The following CPA4 variants were observed in gnomAD, a reference collection of about 807,000 sequenced individuals.
The protein encoded by CPA4 is carboxypeptidase A4, also known as carboxypeptidase A3.
In CPA4, 49 loss-of-function variants were observed where a neutral mutation model predicts 54.7. The ratio of observed to expected loss-of-function variants is 0.90; its 90% confidence interval spans 0.71 to 1.14. The LOEUF (loss-of-function observed/expected upper bound fraction) is 1.14. Among genes scored for constraint, CPA4 ranks in the 50% most tolerant of loss-of-function variants. CPA4 has a pLI of 0.00. For missense variants in CPA4, 487 were observed against 525.1 expected (o/e 0.93, Z 0.71); for synonymous variants, 215 against 206.8 (o/e 1.04, Z -0.34).
chr7:130,304,703 A>G (rs765574115), intron 5 of CPA4, 124 bp downstream of exon 5: 2 of 695,162 alleles, frequency 2.9e-6, no homozygotes, highest in Non-Finnish European at 2.6e-6. Flanking sequence ...GTCAGGACAC[A>G]TTGTACCTGG....
chr7:130,314,440 C>T (rs1019796402), intron 10 of CPA4, among the ~76,000 whole-genome samples: 3 of 152,158 alleles, frequency 2.0e-5, no homozygotes, highest in African/African-American at 7.2e-5. Flanking sequence ...AAAGGAAGCT[C>T]CTTTCTGGAA....
At chr7:130,296,199 C>T (rs1297820014) in intron 1 of CPA4, among the ~76,000 whole-genome samples, 2 of 152,040 alleles carry the variant, frequency 1.3e-5, no homozygotes, top group Non-Finnish European at 1.5e-5. Flanking sequence ...CAAAAGTACG[C>T]GGTGAGTTTG....
At position 130,323,552 on chromosome 7, in the gene CPA4, A is replaced by G. The variant is rs1794159460; in HGVS notation, c.*876A>G. Reference sequence around the variant, plus strand: ...CCTTTTTTAGGCCTGAATACAAAGTAGAAGATCACTTTCCTTCACTGTGCT... The same window carrying G: ...CCTTTTTTAGGCCTGAATACAAAGTGGAAGATCACTTTCCTTCACTGTGCT... On this transcript the variant is annotated 3_prime_UTR_variant, in exon 11 of 11. Transcript: ENST00000222482. The G allele has an allele frequency of 6.6e-6, 1 of 152,182 alleles. No individual in the cohort carries two copies. The highest frequency in any genetic ancestry group is 6.6e-5 in the Admixed American group (1 of 15,264). 9.4% of individuals were successfully genotyped at this position (152,182 alleles called of 1,614,324 possible).
chr7:130,309,530 G>A (rs1019798066), intron 8 of CPA4, among the ~76,000 whole-genome samples: 10 of 152,146 alleles, frequency 6.6e-5, no homozygotes, highest in South Asian at 2.1e-4. Context: ...GAGTGCCAGC[G>A]ATTTAAAAAC....
intron 10 of CPA4, among the ~76,000 whole-genome samples, chr7:130,317,929 A>C (rs3800773): frequency 6.6e-6 from 1 of 151,828 alleles, no homozygotes; most frequent in Non-Finnish European, 1.5e-5. Flanking sequence ...CTCTTTTAGG[A>C]AGATTCTCCA....
chr7:130,301,129 C>A (rs1793733372), intron 4 of CPA4, among the ~76,000 whole-genome samples: 1 of 152,194 alleles, frequency 6.6e-6, no homozygotes, highest in Non-Finnish European at 1.5e-5. Flanking sequence ...TTTCCTCCCT[C>A]AACCATCCTT....
chr7:130,321,519 G>A (rs71579242), intron 10 of CPA4, among the ~76,000 whole-genome samples: 16,554 of 152,218 alleles, frequency 0.11, 1,238 homozygotes, highest in East Asian at 0.32. Context: ...CAGGGCCTCA[G>A]TCAACCTAAG....
intron 1 of CPA4, among the ~76,000 whole-genome samples, chr7:130,293,816 T>C (rs1386350981): frequency 6.6e-6 from 1 of 152,160 alleles, no homozygotes; most frequent in African/African-American, 2.4e-5. Context: ...CGTGGAGATT[T>C]CACAGGTCTT....
At chr7:130,320,405 C>T (rs1020432887) in intron 10 of CPA4, among the ~76,000 whole-genome samples, 1 of 152,186 alleles carries the variant, frequency 6.6e-6, no homozygotes, top group African/African-American at 2.4e-5. Context: ...GAAATACTTG[C>T]ACTTGCCATA....
chr7:130,318,042 AT>A (rs762089058), intron 10 of CPA4, among the ~76,000 whole-genome samples: 27 of 152,196 alleles, frequency 1.8e-4, no homozygotes, highest in Non-Finnish European at 3.5e-4. Context: ...TGCAGCAACA[AT>A]CCATTAATAA....
intron 1 of CPA4, 151 bp from the exon 2 acceptor site, chr7:130,298,595 A>G (rs936905690): frequency 1.8e-6 from 1 of 548,756 alleles, no homozygotes; most frequent in African/African-American, 1.9e-5. Flanking sequence ...ATGTAGCCTC[A>G]TTTTTAATGG....
intron 7 of CPA4, 79 bp downstream of exon 7, chr7:130,306,976 AT>A: frequency 1.2e-6 from 1 of 811,404 alleles, no homozygotes; most frequent in Non-Finnish European, 2.2e-6. Flanking sequence ...CTTGGAGAGA[AT>A]TTCCACAAAT....
chr7:130,295,207 T>C (rs1254506420), intron 1 of CPA4, among the ~76,000 whole-genome samples: 1 of 152,150 alleles, frequency 6.6e-6, no homozygotes, highest in African/African-American at 2.4e-5. Context: ...GGGAGGCAGA[T>C]GAGAAAGGCA....
At position 130,310,212 on chromosome 7, in the gene CPA4, GGGT is replaced by G. The variant is rs1489955519; in HGVS notation, c.794-571_794-569del. ...GTTAAGTCAGATATTCCCACCACTG[GGGT>G]GGTTTCAGTCACATTCATACACACA... On this transcript the variant is annotated intron_variant, in intron 8 of 10. Coordinates refer to ENST00000222482, the MANE Select transcript of CPA4 (RefSeq NM_016352.4). This position sits in a 1 kb window ranked among gnomAD's most constrained non-coding sequence, Gnocchi z 4.3. 6.6e-6 allele frequency among the ~76,000 whole-genome samples: 1 copy of G among 152,038 alleles called. No homozygotes were observed. Among genetic ancestry groups the G allele is most frequent in the Admixed American group, 6.6e-5 (1 of 15,266 alleles).
Position 130,322,814 on chromosome 7 carries a change from C to G in CPA4, c.*138C>G. ...AGCACACAGGCCTGCCCCTCTCCAG[C>G]CAGCTCCCTGGAGTCGTGTGTCCTG... On this transcript the variant is annotated 3_prime_UTR_variant, in exon 11 of 11. Transcript: ENST00000222482. 1.3e-6 allele frequency: 1 copy of G among 779,970 alleles called. No individual in the cohort carries two copies. The highest frequency in any genetic ancestry group is 2.0e-6 in the Non-Finnish European group (1 of 505,756). 48.3% of individuals were successfully genotyped at this position (779,970 alleles called of 1,614,324 possible). A position where few individuals can be genotyped will look rare whatever the true frequency, so the allele number is the denominator to read the frequency against.
rs1300521381 is a variant in CPA4, at chr7:130,304,544, C to CA, written c.452dup (p.His151GlnfsTer4). The CA allele has an allele frequency of 6.2e-7, 1 of 1,613,488 alleles. No homozygotes were observed. ...CCTGGCGAGGAGGGTGAAGATTGGA[C>CA]ATTCGTTTGAAAACCGGCCGATGTA... On this transcript the variant is annotated frameshift_variant, in exon 5 of 11. Coordinates refer to ENST00000222482, the MANE Select transcript of CPA4 (RefSeq NM_016352.4). LOFTEE classifies it high-confidence loss of function.
At chr7:130,294,899 T>C (rs1793625203) in intron 1 of CPA4, among the ~76,000 whole-genome samples, 1 of 152,236 alleles carries the variant, frequency 6.6e-6, no homozygotes, top group Admixed American at 6.5e-5. Flanking sequence ...AGCCAGGCTC[T>C]GGATTGGCTG....
rs563341401 is a variant in CPA4 at position 130,308,234 on chromosome 7, A to G, written c.703-73A>G. 4 of 1,315,500 alleles carry G rather than the reference A, an allele frequency of 3.0e-6. No individual in the cohort carries two copies. The South Asian group carries it at 3.5e-5, about 12-fold the overall frequency. The allele number at this position is 1,315,500 out of a possible 1,614,324, so 81.5% of individuals were successfully genotyped here. On this transcript the variant is annotated intron_variant, in intron 7 of 10. Coordinates refer to ENST00000222482, the MANE Select transcript of CPA4 (RefSeq NM_016352.4). ...AAGCAGCCTGCCCTGCCTGCGTGTC[A>G]TCTCCACCCTAGCCCTCTTCGGTGA...
At chr7:130,305,650 A>G (rs1415140781) in intron 5 of CPA4, among the ~76,000 whole-genome samples, 166 bp from the exon 6 acceptor site, 1 of 152,204 alleles carries the variant, frequency 6.6e-6, no homozygotes. Context: ...CAACCAATTA[A>G]GCTTCCAAGT....
Sources: allele counts gnomAD v4.1 joint callset (sites outside exome capture counted in the v4.1 genomes callset), GRCh38; gene constraint gnomAD v4.1.1; non-coding constraint Gnocchi (gnomAD v3.1); transcripts MANE v1.5; gene names NCBI Gene and HGNC (gene_info 2026-07-23, HGNC 2026-07-21).